ARHGAP35: variants seen among roughly 807,000 people sequenced by gnomAD.
ARHGAP35 encodes Rho GTPase activating protein 35.
ARHGAP35 carries 15 observed loss-of-function variants against 111.1 expected under a neutral mutation model. The ratio of observed to expected loss-of-function variants is 0.13; its 90% CI spans 0.09 to 0.21. The LOEUF (loss-of-function observed/expected upper bound fraction) is 0.21, where lower values mean the gene tolerates loss of function less well. ARHGAP35 is among the 10% of genes least tolerant of loss of function. The pLI is 1.00. For missense variants in ARHGAP35, 1,262 were observed against 1,873.0 expected (o/e 0.67, Z 6.02); for synonymous variants, 643 against 710.3 (o/e 0.91, Z 1.51).
rs2056176937 is a variant in ARHGAP35, at chr19:46,918,576, T to C, written c.-100T>C. 4.0e-6 allele frequency: 5 copies of C among 1,236,692 alleles called. No homozygotes were observed. The African/African-American group carries it at 7.5e-5, about 19-fold the overall frequency. The allele number at this position is 1,236,692 out of a possible 1,614,324, so 76.6% of individuals were successfully genotyped here. ...TATGGGACCTGGCATTTTTGCTGCATGTCCAGCCCACCCCCACTAATAATG... is the reference window on the plus strand; with the variant it reads ...TATGGGACCTGGCATTTTTGCTGCACGTCCAGCCCACCCCCACTAATAATG... On this transcript the variant is annotated 5_prime_UTR_variant, in exon 2 of 7. It removes an upstream start codon present in the reference 5' UTR. Transcript: ENST00000672722. The surrounding 1 kb of genome is among the most constrained non-coding windows in gnomAD (Gnocchi z 5.4).
At chr19:46,936,845 C>CTTT (rs570390790) in intron 2 of ARHGAP35, among the ~76,000 whole-genome samples, 24 of 128,446 alleles carry the variant, frequency 1.9e-4, no homozygotes, top group African/African-American at 5.5e-4. Flanking sequence ...TTCTTGAAAT[C>CTTT]TTTTTTTTTT....
rs1465170047 is a variant in ARHGAP35, at chr19:46,993,294, C to T, written c.4036+3619C>T. 6.6e-6 allele frequency among the ~76,000 whole-genome samples: 1 copy of T among 152,232 alleles called. No individual in the cohort carries two copies. The highest frequency in any genetic ancestry group is 1.9e-4 in the East Asian group (1 of 5,190). On this transcript the variant is annotated intron_variant, in intron 5 of 6. Transcript: ENST00000672722. The surrounding 1 kb of genome is among the most constrained non-coding windows in gnomAD (Gnocchi z 4.6). ...GGGCTGTGACCTTGAGCCGGGCTTT[C>T]CCTTTCCTGGCGATGCAGGCGTGCA...
At chr19:46,867,441 A>G (rs1222259424) in intron 1 of ARHGAP35, among the ~76,000 whole-genome samples, 4 of 152,218 alleles carry the variant, frequency 2.6e-5, no homozygotes, top group Non-Finnish European at 4.4e-5. Flanking sequence ...TGTAAAGAAC[A>G]TTGAAGAAAC....
chr19:46,984,574 T>G (rs2056638841), intron 3 of ARHGAP35, among the ~76,000 whole-genome samples: 1 of 152,226 alleles, frequency 6.6e-6, no homozygotes, highest in Non-Finnish European at 1.5e-5. Flanking sequence ...TACGATAAAT[T>G]GCACTAGCCA....
intron 1 of ARHGAP35, among the ~76,000 whole-genome samples, chr19:46,892,488 A>T (rs923573464): frequency 1.3e-5 from 2 of 151,044 alleles, no homozygotes; most frequent in African/African-American, 4.9e-5. Flanking sequence ...AAAAAAAAAA[A>T]ATTGGTTAAT....
At chr19:46,889,262 A>T (rs180902806) in intron 1 of ARHGAP35, among the ~76,000 whole-genome samples, 1 of 152,162 alleles carries the variant, frequency 6.6e-6, no homozygotes, top group East Asian at 1.9e-4. Context: ...TCAGTAGATC[A>T]AGACCATCCT....
chr19:46,987,923 A>G, intron 3 of ARHGAP35, 66 bp from the exon 4 acceptor site: 7 of 1,522,526 alleles, frequency 4.6e-6, no homozygotes, highest in Non-Finnish European at 6.3e-6. Flanking sequence ...CTTGTCTTCG[A>G]GCCCAGCCCT....
chr19:47,001,784 G>C lies in ARHGAP35; in HGVS notation c.*1096G>C, dbSNP rs2056749992. On this transcript the variant is annotated 3_prime_UTR_variant, in exon 7 of 7. Transcript: ENST00000672722. The surrounding 1 kb of genome is among the most constrained non-coding windows in gnomAD (Gnocchi z 5.4). ...TGAGTGTGTGTGGGCGCTTGGTGGG[G>C]GGTTGGGGACAGCTGGAAGGTGCCA... is the stretch of plus-strand genomic sequence containing the variant. 1 of 229,686 alleles carries C rather than the reference G, an allele frequency of 4.4e-6. No individual in the cohort carries two copies. Among genetic ancestry groups the C allele is most frequent in the Non-Finnish European group, 8.7e-6 (1 of 115,204 alleles). 14.2% of individuals were successfully genotyped at this position (229,686 alleles called of 1,614,324 possible).
rs79126202 is a variant in ARHGAP35 at position 46,981,723 on chromosome 19, C to T, written c.3827-6266C>T. 6.1e-3 allele frequency among the ~76,000 whole-genome samples: 927 copies of T among 152,322 alleles called. 6 individuals are homozygous for T. Among genetic ancestry groups the T allele is most frequent in the African/African-American group, 0.021 (864 of 41,576 alleles). ...GCCAGCCACCACAGCTCTGACAGGG[C>T]AGTCGAAGGGCTGAAATACCAGTTC... is the stretch of plus-strand genomic sequence containing the variant. On this transcript the variant is annotated intron_variant, in intron 3 of 6. Coordinates refer to ENST00000672722, the MANE Select transcript of ARHGAP35 (RefSeq NM_004491.5).
At chr19:46,973,177 A>T (rs980486306) in intron 3 of ARHGAP35, among the ~76,000 whole-genome samples, 2 of 151,850 alleles carry the variant, frequency 1.3e-5, no homozygotes, top group Non-Finnish European at 2.9e-5. Flanking sequence ...AGCCTGGCCA[A>T]CATGGTGAAA....
In ARHGAP35 at chr19:46,899,530, C is replaced by CA. The variant is rs112242985; in HGVS notation, c.-188-18950dup. Among the ~76,000 whole-genome samples, 800 of 151,362 alleles carry CA rather than the reference C, an allele frequency of 5.3e-3. 11 individuals are homozygous for CA. Among genetic ancestry groups the CA allele is most frequent in the African/African-American group, 0.019 (774 of 41,278 alleles). ...CCAACATGGTGAAACCTTGTCTCTA[C>CA]AAAAAAAATACAAAAATTAGCCGGG... is the stretch of plus-strand genomic sequence containing the variant. On this transcript the variant is annotated intron_variant, in intron 1 of 6. Coordinates refer to ENST00000672722, the MANE Select transcript of ARHGAP35 (RefSeq NM_004491.5).
intron 3 of ARHGAP35, among the ~76,000 whole-genome samples, chr19:46,974,113 G>T (rs1394687759): frequency 1.3e-5 from 2 of 152,160 alleles, no homozygotes; most frequent in African/African-American, 4.8e-5. Flanking sequence ...TCCCACCTCA[G>T]CTTCCCAAGT....
chr19:46,918,221 T>C lies in ARHGAP35; in HGVS notation c.-188-267T>C, dbSNP rs941775381. On this transcript the variant is annotated intron_variant, in intron 1 of 6. Transcript: ENST00000672722. The surrounding 1 kb of genome is among the most constrained non-coding windows in gnomAD (Gnocchi z 5.4). ...GCCCTAACCCTGGAATCAGCCCTTT[T>C]TCCAGGGAGCCCTCACACCCTTGTT... 6.6e-6 allele frequency among the ~76,000 whole-genome samples: 1 copy of C among 152,116 alleles called. No homozygotes were observed. Among genetic ancestry groups the C allele is most frequent in the Non-Finnish European group, 1.5e-5 (1 of 68,018 alleles).
intron 1 of ARHGAP35, among the ~76,000 whole-genome samples, chr19:46,910,550 C>T (rs2056132649): frequency 6.6e-6 from 1 of 151,756 alleles, no homozygotes; most frequent in South Asian, 2.1e-4. Flanking sequence ...CTTTGGCCTC[C>T]CAAAGTGCTG....
intron 1 of ARHGAP35, among the ~76,000 whole-genome samples, chr19:46,867,790 G>C (rs878923340): frequency 9.9e-5 from 15 of 151,712 alleles, no homozygotes; most frequent in African/African-American, 2.9e-4. Context: ...TTTTTTTGGA[G>C]ATGTTTGTAC....
chr19:46,922,119 G>A lies in ARHGAP35; in HGVS notation c.3444G>A (p.Lys1148=). The A allele has an allele frequency of 6.2e-7, 1 of 1,614,034 alleles. No homozygotes were observed. Among genetic ancestry groups the A allele is most frequent in the Non-Finnish European group, 8.5e-7 (1 of 1,179,904 alleles). ...CCAGCTCTCTAGAGCGAGGGCGCAA[G>A]GTTTCCATCGTGAGCAAGCCAGTGC... The part of the protein sequence containing the change: ...MDTSSLERGR[K]VSIVSKPVLY... The change falls in exon 2 of 7, where the codon AAG becomes AAA. Residue 1148 remains lysine (K), a synonymous_variant. Transcript: ENST00000672722. This position sits in a 1 kb window ranked among gnomAD's most constrained non-coding sequence, Gnocchi z 4.0.
chr19:46,931,074 A>T (rs2056270171), intron 2 of ARHGAP35, among the ~76,000 whole-genome samples: 1 of 152,188 alleles, frequency 6.6e-6, no homozygotes. Context: ...AAGGCTTATG[A>T]TATAGTACTG....
At chr19:46,963,206 A>T (rs575405270) in intron 3 of ARHGAP35, among the ~76,000 whole-genome samples, 6 of 152,078 alleles carry the variant, frequency 3.9e-5, no homozygotes, top group Admixed American at 6.6e-5. Flanking sequence ...TGGAAACCTT[A>T]TGTGACTCAG....
rs1048006401 is a variant in ARHGAP35, at chr19:46,861,076, C to G, written c.-322C>G. Among the ~76,000 whole-genome samples, 2 of 151,040 alleles carry G rather than the reference C, an allele frequency of 1.3e-5. No individual in the cohort carries two copies. Among genetic ancestry groups the G allele is most frequent in the African/African-American group, 4.9e-5 (2 of 41,180 alleles). ...GGGAACCCGCGAGGGAGGGTCCGCCCGGCCCCCCGCCGCCGGAGCCGCCGC... is the reference window on the plus strand; with the variant it reads ...GGGAACCCGCGAGGGAGGGTCCGCCGGGCCCCCCGCCGCCGGAGCCGCCGC... On this transcript the variant is annotated 5_prime_UTR_variant, in exon 1 of 7. Coordinates refer to ENST00000672722, the MANE Select transcript of ARHGAP35 (RefSeq NM_004491.5).
Sources: gnomAD v4.1 joint callset for allele counts (sites outside exome capture counted in the v4.1 genomes callset) on GRCh38, gnomAD v4.1.1 for gene constraint, Gnocchi (gnomAD v3.1) non-coding constraint, MANE v1.5 for transcripts, NCBI Gene and HGNC (gene_info 2026-07-23, HGNC 2026-07-21) for gene names.